The following CCNB3 variants were observed in gnomAD, a reference collection of about 807,000 sequenced individuals.
CCNB3 encodes cyclin B3, also known as G2/mitotic-specific cyclin-B3.
CCNB3 carries 12 observed loss-of-function variants against 68.0 expected under a neutral mutation model. The observed-to-expected ratio is 0.18, with a 90% CI of 0.11 to 0.29. The LOEUF is 0.29. Ranked by LOEUF, CCNB3 falls within the 10% of genes least tolerant of loss-of-function variation. CCNB3 has a pLI of 1.00. For synonymous variants in CCNB3, 354 were observed against 388.9 expected (o/e 0.91, Z 1.06); for missense variants, 904 against 993.1 (o/e 0.91, Z 1.21).
At chrX:50,285,984 G>A (rs761522684) in intron 3 of CCNB3, among the ~76,000 whole-genome samples, 62 of 111,607 alleles carry the variant, frequency 5.6e-4, no homozygotes, top group Non-Finnish European at 1.0e-3. Context: ...TCAAATTTTC[G>A]GATTAGTGTT....
At chrX:50,350,787 C>T (rs1177210381) in intron 11 of CCNB3, among the ~76,000 whole-genome samples, 8 of 109,486 alleles carry the variant, frequency 7.3e-5, no homozygotes, top group African/African-American at 2.7e-4. Context: ...CCTCGAACTC[C>T]TGGGCTCAAG....
At chrX:50,285,973 A>G (rs1936226695) in intron 3 of CCNB3, among the ~76,000 whole-genome samples, 1 of 112,106 alleles carries the variant, frequency 8.9e-6, no homozygotes, top group African/African-American at 3.2e-5. Flanking sequence ...TTTTGTCAAC[A>G]TCAAATTTTC....
intron 5 of CCNB3, among the ~76,000 whole-genome samples, chrX:50,296,057 C>T (rs1258644945): frequency 8.9e-6 from 1 of 111,770 alleles, no homozygotes; most frequent in African/African-American, 3.2e-5. Context: ...ATTTTGACCT[C>T]AATTCTCTGC....
intron 1 of CCNB3, among the ~76,000 whole-genome samples, chrX:50,226,745 G>T (rs1399891319): frequency 3.9e-5 from 3 of 77,106 alleles, no homozygotes; most frequent in African/African-American, 1.6e-4. Flanking sequence ...TATGTACATA[G>T]AATATACATA....
At chrX:50,297,030 C>G (rs1395940440) in intron 5 of CCNB3, among the ~76,000 whole-genome samples, 1 of 111,038 alleles carries the variant, frequency 9.0e-6, no homozygotes, top group Admixed American at 9.6e-5. Flanking sequence ...TGGATATTAG[C>G]CCTTTGTCAG....
At chrX:50,226,950 T>G (rs2076765926) in intron 1 of CCNB3, among the ~76,000 whole-genome samples, 1 of 76,488 alleles carries the variant, frequency 1.3e-5, no homozygotes, top group Non-Finnish European at 2.3e-5. Flanking sequence ...ATATAGAATA[T>G]ATATAGTATA....
intron 5 of CCNB3, among the ~76,000 whole-genome samples, chrX:50,295,680 G>A (rs1397539789): frequency 2.7e-5 from 3 of 111,641 alleles, no homozygotes; most frequent in Non-Finnish European, 5.6e-5. Flanking sequence ...TCAAGGTGGA[G>A]TGATGTTAAC....
chrX:50,325,011 G>A (rs1320273099), intron 8 of CCNB3, among the ~76,000 whole-genome samples: 1 of 110,807 alleles, frequency 9.0e-6, no homozygotes, highest in Non-Finnish European at 1.9e-5. Context: ...AAGTTAATAA[G>A]GTTTTCTTCA....
At chrX:50,280,135 G>A (rs1375863709) in intron 1 of CCNB3, among the ~76,000 whole-genome samples, 2 of 16,849 alleles carry the variant, frequency 1.2e-4, no homozygotes, top group East Asian at 1.4e-3. Flanking sequence ...TAGAATATAT[G>A]TAAAAATATA....
intron 1 of CCNB3, among the ~76,000 whole-genome samples, chrX:50,226,399 A>T (rs1268144625): frequency 2.3e-5 from 1 of 42,824 alleles, no homozygotes; most frequent in African/African-American, 1.1e-4. Flanking sequence ...GAATATATAT[A>T]AAAATATATA....
chrX:50,333,292 C>T (rs1452810969), intron 8 of CCNB3, among the ~76,000 whole-genome samples: 3 of 111,217 alleles, frequency 2.7e-5, no homozygotes, highest in Non-Finnish European at 5.7e-5. Flanking sequence ...CTTTTCAGTT[C>T]GTGTTGGATA....
At chrX:50,341,887 A>G (rs1923163182) in intron 8 of CCNB3, 2 of 196,839 alleles carry the variant, frequency 1.0e-5, no homozygotes, top group East Asian at 2.7e-4. Flanking sequence ...TGGAGAAAGC[A>G]AGAACCTAAG....
At chrX:50,281,907 C>T (rs1236165163) in intron 1 of CCNB3, among the ~76,000 whole-genome samples, 2 of 110,989 alleles carry the variant, frequency 1.8e-5, no homozygotes, top group African/African-American at 6.5e-5. Context: ...CCTTTATCTT[C>T]ACTGGCTCTT....
At chrX:50,347,918 G>A (rs1923486304) in intron 11 of CCNB3, 143 bp downstream of exon 11, 1 of 520,791 alleles carries the variant, frequency 1.9e-6, no homozygotes, top group Admixed American at 4.0e-5. Flanking sequence ...CTAACACCTG[G>A]ACAACTTGGG....
intron 1 of CCNB3, among the ~76,000 whole-genome samples, chrX:50,226,997 A>ATAG (rs1169802234): frequency 1.3e-5 from 1 of 78,171 alleles, no homozygotes; most frequent in African/African-American, 5.3e-5. Flanking sequence ...TAGAATATAT[A>ATAG]AATATATAGA....
chrX:50,309,670 A>T lies in CCNB3; in HGVS notation c.1501A>T (p.Met501Leu). 3.3e-6 allele frequency: 4 copies of T among 1,210,616 alleles called. No homozygotes were observed. Among genetic ancestry groups the T allele is most frequent in the Non-Finnish European group, 4.5e-6 (4 of 894,902 alleles). ...GAGGAAGCATGCCACTCAGGGGACA[A>T]TGTCCCACTTGAAGAAACCACTAAT... ...LKRKHATQGTMSHLKKPLILQ... is the reference protein window; with the variant it reads ...LKRKHATQGTLSHLKKPLILQ... Residue 501 changes from methionine (M) to leucine (L), a missense_variant, in exon 6 of 13, where the codon ATG becomes TTG. Met to Leu is a conservative substitution (Grantham distance 15). Transcript: ENST00000376042.
In CCNB3 at chrX:50,310,810, T is replaced by C. The variant is rs147696276; in HGVS notation, c.2641T>C (p.Trp881Arg). ...EALFKRHSAL[W>R]EKPSTEKETI... ...CCTCTTTAAGCGACACTCAGCTTTG[T>C]GGGAGAAGCCCAGCACTGAGAAGGA... Residue 881 changes from tryptophan (W) to arginine (R), a missense_variant, in exon 6 of 13, where the codon TGG (tryptophan) becomes CGG (arginine). Trp to Arg is a moderately radical substitution (Grantham distance 101). Around this residue, in one of 2 missense-constraint regions of CCNB3, gnomAD observed 619 missense variants for 609.8 expected, o/e 1.02. Transcript: ENST00000376042. The C allele has an allele frequency of 9.1e-5, 110 of 1,209,298 alleles. No homozygotes were observed. The highest frequency in any genetic ancestry group is 1.1e-4 in the Non-Finnish European group (96 of 894,925).
At chrX:50,227,659 A>AAAATATATATAGAGAGAATATATAT (rs1935911851) in intron 1 of CCNB3, among the ~76,000 whole-genome samples, 19 of 2,494 alleles carry the variant, frequency 7.6e-3, no homozygotes, top group African/African-American at 0.026. Context: ...AATATATATA[A>AAAATATATATAGAGAGAATATATAT]AAATATATAT....
At chrX:50,216,461 G>A (rs936278174) in intron 1 of CCNB3, among the ~76,000 whole-genome samples, 2,546 of 109,012 alleles carry the variant, frequency 0.023, 65 homozygotes, top group African/African-American at 0.082. Flanking sequence ...GTAGAGACAG[G>A]GTTTCACCAT....
Sources: allele counts gnomAD v4.1 joint callset (sites outside exome capture counted in the v4.1 genomes callset), GRCh38; gene constraint gnomAD v4.1.1; regional missense constraint gnomAD v4.1.1; transcripts MANE v1.5; gene names NCBI Gene and HGNC (gene_info 2026-07-23, HGNC 2026-07-21).